Variants in HKDC1 observed in about 807,000 individuals in gnomAD.
HKDC1 encodes hexokinase HKDC1.
HKDC1 carries 66 observed loss-of-function variants against 96.6 expected under a neutral mutation model. The ratio of observed to expected loss-of-function variants is 0.68; its 90% CI spans 0.56 to 0.84. HKDC1 has a LOEUF of 0.84. Ranked by LOEUF, HKDC1 falls within the 40% of genes least tolerant of loss-of-function variation. The pLI is 0.00. For missense variants in HKDC1, 1,211 were observed against 1,208.1 expected, an observed-to-expected ratio of 1.00 and a Z score of -0.04; for synonymous variants, 466 against 473.1, an observed-to-expected ratio of 0.98 and a Z score of 0.20.
chr10:69,251,763 C>CTTT (rs60120681), intron 12 of HKDC1, among the ~76,000 whole-genome samples: 2 of 140,850 alleles, frequency 1.4e-5, no homozygotes. Context: ...GTTTTCTTTT[C>CTTT]TTTTTTTTTT....
intron 9 of HKDC1, 147 bp downstream of exon 9, chr10:69,247,740 A>G (rs1156619171): frequency 1.5e-6 from 1 of 666,032 alleles, no homozygotes; most frequent in Non-Finnish European, 2.6e-6. Context: ...AGGTGAATCC[A>G]GGGCCTGCAT....
intron 6 of HKDC1, among the ~76,000 whole-genome samples, chr10:69,241,683 C>G (rs966329965): frequency 6.6e-6 from 1 of 152,106 alleles, no homozygotes; most frequent in African/African-American, 2.4e-5. Context: ...TGGGGTTTCA[C>G]AGTGTTTGCC....
intron 4 of HKDC1, among the ~76,000 whole-genome samples, chr10:69,237,818 T>C (rs1361008989): frequency 1.0e-5 from 1 of 95,878 alleles, no homozygotes; most frequent in African/African-American, 4.8e-5. Context: ...GAGACCTGCA[T>C]TCGGCTTGGG....
chr10:69,243,151 C>G, intron 6 of HKDC1, 31 bp from the exon 7 acceptor site: 2 of 1,611,230 alleles, frequency 1.2e-6, no homozygotes, highest in African/African-American at 2.7e-5. Flanking sequence ...GGAGTCCTCT[C>G]TCTGCATATT....
intron 10 of HKDC1, 123 bp from the exon 11 acceptor site, chr10:69,250,167 T>C: frequency 2.7e-6 from 3 of 1,117,382 alleles, no homozygotes; most frequent in Middle Eastern, 6.1e-4. Context: ...CCCACGACCC[T>C]CTGGTCTATG....
At chr10:69,225,150 C>A (rs1211076505) in intron 1 of HKDC1, among the ~76,000 whole-genome samples, 3 of 152,116 alleles carry the variant, frequency 2.0e-5, no homozygotes, top group African/African-American at 7.2e-5. Flanking sequence ...CGCAAATGAC[C>A]CCAACTGGGT....
chr10:69,243,072 G>A, intron 6 of HKDC1, 110 bp from the exon 7 acceptor site: 1 of 1,121,196 alleles, frequency 8.9e-7, no homozygotes, highest in Non-Finnish European at 1.3e-6. Flanking sequence ...CCCAGGGAAT[G>A]AAAAGCACTT....
chr10:69,234,704 C>T (rs184543948), intron 4 of HKDC1, among the ~76,000 whole-genome samples: 6 of 152,368 alleles, frequency 3.9e-5, no homozygotes, highest in Admixed American at 3.9e-4. Context: ...GATTACTTGT[C>T]TCTTTGTGCT....
chr10:69,248,326 G>C (rs747848812), intron 9 of HKDC1, 98 bp from the exon 10 acceptor site: 2 of 1,270,490 alleles, frequency 1.6e-6, no homozygotes, highest in African/African-American at 1.5e-5. Flanking sequence ...GCCCCGCCCC[G>C]CAGGGCCCTC....
intron 10 of HKDC1, among the ~76,000 whole-genome samples, chr10:69,250,081 GA>G (rs1843613646): frequency 6.6e-6 from 1 of 152,196 alleles, no homozygotes; most frequent in South Asian, 2.1e-4. Flanking sequence ...CACAGAAGTG[GA>G]GGCCAAGGAA....
In HKDC1 at chr10:69,247,364, A is replaced by G. The variant is rs1843557842; in HGVS notation, c.1036A>G (p.Lys346Glu). Reference protein sequence around the residue: ...TRHVAAMEKYKEGLANTREIL... With the variant: ...TRHVAAMEKYEEGLANTREIL... ...TCATTCCTGTCCCCTGGCCAGGTAT[A>G]AAGAAGGCCTTGCTAATACAAGAGA... The change falls in exon 9 of 18, where the codon AAA becomes GAA. Residue 346 changes from lysine to glutamate, a missense_variant. Transcript: ENST00000354624. 1.2e-6 allele frequency: 2 copies of G among 1,612,490 alleles called. No individual in the cohort carries two copies. The highest frequency in any genetic ancestry group is 1.7e-6 in the Non-Finnish European group (2 of 1,178,652).
rs374783363 is a variant in HKDC1 at position 69,241,380 on chromosome 10, A to G, written c.691+629A>G. ...AGAGGACAGACTGGGCAGATTGCAC[A>G]GGATGTGCACACAGTCACTGTAAGG... On this transcript the variant is annotated intron_variant, in intron 6 of 17. Transcript: ENST00000354624. Among the ~76,000 whole-genome samples the G allele has an allele frequency of 1.7e-3, 257 of 152,334 alleles. 1 individual carries two copies. The highest frequency in any genetic ancestry group is 5.9e-3 in the African/African-American group (244 of 41,576).
At chr10:69,232,439 C>A in intron 2 of HKDC1, 1 of 259,142 alleles carries the variant, frequency 3.9e-6, no homozygotes, top group South Asian at 6.1e-5. Flanking sequence ...CCAGGATGGG[C>A]TCCACCGTCG....
At chr10:69,258,470 T>C (rs771625000) in intron 14 of HKDC1, among the ~76,000 whole-genome samples, 2 of 151,904 alleles carry the variant, frequency 1.3e-5, no homozygotes, top group African/African-American at 2.4e-5. Flanking sequence ...ACAAAGATAA[T>C]GATGATGATG....
chr10:69,236,775 C>T (rs111462072), intron 4 of HKDC1, among the ~76,000 whole-genome samples: 6,469 of 116,192 alleles, frequency 0.056, 446 homozygotes, highest in African/African-American at 0.21. Context: ...AGTGAAACTT[C>T]GTTTCAAAAA....
intron 16 of HKDC1, among the ~76,000 whole-genome samples, chr10:69,264,630 G>A (rs1052425800): frequency 3.9e-5 from 6 of 152,190 alleles, no homozygotes; most frequent in Admixed American, 3.3e-4. Context: ...GCCTCTTAAA[G>A]TGCTGGGATT....
chr10:69,266,347 G>A (rs1432357183), intron 17 of HKDC1, among the ~76,000 whole-genome samples: 1 of 151,960 alleles, frequency 6.6e-6, no homozygotes, highest in Non-Finnish European at 1.5e-5. Context: ...CATACCTGTG[G>A]TCCCAGCTAC....
rs1016262391 is a variant in HKDC1 at position 69,267,206 on chromosome 10, A to G, written c.*449A>G. 30 of 263,942 alleles carry G rather than the reference A, an allele frequency of 1.1e-4. No individual in the cohort carries two copies. The highest frequency in any genetic ancestry group is 2.3e-4 in the African/African-American group (10 of 44,028). The allele number at this position is 263,942 out of a possible 1,614,324, so 16.4% of individuals were successfully genotyped here. A position where few individuals can be genotyped will look rare whatever the true frequency, so the allele number is the denominator to read the frequency against. ...GGATGAACATTGGAGAGCAAGAGGA[A>G]CTCACGTTATGAACTAGGGGGATCT... On this transcript the variant is annotated 3_prime_UTR_variant, in exon 18 of 18. Transcript: ENST00000354624.
At chr10:69,246,460 C>G (rs940623698) in intron 8 of HKDC1, among the ~76,000 whole-genome samples, 1 of 152,376 alleles carries the variant, frequency 6.6e-6, no homozygotes, top group Non-Finnish European at 1.5e-5. Context: ...GAGGGCCACC[C>G]TCTTCCCATG....
Sources: gnomAD v4.1 joint callset for allele counts (sites outside exome capture counted in the v4.1 genomes callset) on GRCh38, gnomAD v4.1.1 for gene constraint, MANE v1.5 for transcripts, NCBI Gene and HGNC (gene_info 2026-07-23, HGNC 2026-07-21) for gene names.